Variants in CEPT1 observed in about 807,000 individuals in gnomAD.
CEPT1 encodes choline/ethanolaminephosphotransferase 1.
A neutral mutation model predicts 42.6 loss-of-function variants in CEPT1; 7 were observed. The observed-to-expected ratio is 0.16, with a 90% confidence interval of 0.09 to 0.31. CEPT1 has a LOEUF of 0.31. Ranked by LOEUF, CEPT1 falls within the 10% of genes least tolerant of loss-of-function variation. CEPT1 has a pLI of 1.00. For missense variants in CEPT1, 306 were observed against 502.1 expected, an observed-to-expected ratio of 0.61 and a Z score of 3.73; for synonymous variants, 171 against 171.9, an observed-to-expected ratio of 0.99 and a Z score of 0.04.
intron 8 of CEPT1, 75 bp from the exon 9 acceptor site, chr1:111,184,115 GA>G: frequency 6.9e-7 from 1 of 1,446,188 alleles, no homozygotes; most frequent in Non-Finnish European, 9.5e-7. Flanking sequence ...AGAGAGAACA[GA>G]GTCCAGTCCT....
intron 2 of CEPT1, among the ~76,000 whole-genome samples, chr1:111,157,795 TAAC>T (rs1351974759): frequency 6.6e-6 from 1 of 152,228 alleles, no homozygotes; most frequent in Non-Finnish European, 1.5e-5. Context: ...TACCTTTTAA[TAAC>T]TGGTACTAAA....
intron 2 of CEPT1, among the ~76,000 whole-genome samples, chr1:111,148,389 AC>A (rs1557922275): frequency 6.6e-6 from 1 of 151,894 alleles, no homozygotes; most frequent in African/African-American, 2.4e-5. Context: ...AAAAAAAAAA[AC>A]AGTGAGAAAA....
chr1:111,178,337 G>A (rs1461000256), intron 5 of CEPT1: 1 of 152,142 alleles, frequency 6.6e-6, no homozygotes, highest in Non-Finnish European at 1.5e-5. Flanking sequence ...CAGAAGATCA[G>A]CTGTTTTGTA....
chr1:111,167,673 A>G lies in CEPT1; in HGVS notation c.629+6377A>G, dbSNP rs1656205039. The G allele has an allele frequency of 9.2e-6, 9 of 982,398 alleles. No individual in the cohort carries two copies. In the South Asian group the frequency reaches 2.8e-4, roughly 31 times the overall value. 60.9% of individuals were successfully genotyped at this position (982,398 alleles called of 1,614,324 possible). The stretch of plus-strand genomic sequence containing the variant: ...TAGTACTAGTTCTGCTTGAGTTTAC[A>G]GCAGTCTTGGTGTTGTATAATATTT... On this transcript the variant is annotated intron_variant, in intron 4 of 8. Coordinates refer to ENST00000357172, the MANE Select transcript of CEPT1 (RefSeq NM_006090.5).
rs572689949 is a variant in CEPT1 at position 111,156,585 on chromosome 1, A to G, written c.340-2795A>G. Among the ~76,000 whole-genome samples, 4 of 152,310 alleles carry G rather than the reference A, an allele frequency of 2.6e-5. No individual in the cohort carries two copies. The South Asian group carries it at 8.3e-4, about 32-fold the overall frequency. On this transcript the variant is annotated intron_variant, in intron 2 of 8. Transcript: ENST00000357172. ...TGATGAGCGGGGAAAAAAAAATCTT[A>G]TAATGTTTTAAGAAAGTTTACAAAT...
chr1:111,183,716 T>A, intron 8 of CEPT1, 129 bp downstream of exon 8: 1 of 981,360 alleles, frequency 1.0e-6, no homozygotes, highest in Non-Finnish European at 1.5e-6. Context: ...GAAATCCACA[T>A]AAATGGGGCT....
intron 5 of CEPT1, among the ~76,000 whole-genome samples, chr1:111,176,904 T>G (rs1656702880): frequency 6.6e-6 from 1 of 152,208 alleles, no homozygotes; most frequent in African/African-American, 2.4e-5. Flanking sequence ...TGTTAAGCAA[T>G]CATTTTCTAA....
At position 111,141,613 on chromosome 1, in the gene CEPT1, T is replaced by C. The variant is rs149811788; in HGVS notation, c.-74+1306T>C. 3.5e-4 allele frequency among the ~76,000 whole-genome samples: 54 copies of C among 152,324 alleles called. No individual in the cohort carries two copies. The East Asian group carries it at 4.4e-3, about 12-fold the overall frequency. ...TTTTTATGTTGTGTGTGTGTGTTTT[T>C]TTAAGGGGGAAGAAAGTGATTTCCT... is the stretch of plus-strand genomic sequence containing the variant. On this transcript the variant is annotated intron_variant, in intron 1 of 8. Coordinates refer to ENST00000357172, the MANE Select transcript of CEPT1 (RefSeq NM_006090.5).
intron 5 of CEPT1, chr1:111,180,505 G>C (rs768415417): frequency 6.6e-6 from 1 of 152,150 alleles, no homozygotes; most frequent in Non-Finnish European, 1.5e-5. Flanking sequence ...GGAGATTTAG[G>C]GGGAGAAGAT....
intron 4 of CEPT1, among the ~76,000 whole-genome samples, chr1:111,161,758 G>A (rs185180443): frequency 3.4e-4 from 52 of 152,218 alleles, no homozygotes; most frequent in South Asian, 6.2e-4. Flanking sequence ...TTTATGTTTC[G>A]TTGGTTATTA....
At chr1:111,176,182 A>G (rs138922232) in intron 5 of CEPT1, among the ~76,000 whole-genome samples, 76 of 152,332 alleles carry the variant, frequency 5.0e-4, no homozygotes, top group African/African-American at 1.6e-3. Context: ...CTATTCAGTT[A>G]TGTACATAAT....
rs151257025 is a variant in CEPT1 at position 111,184,355 on chromosome 1, A to C, written c.*45A>C. The C allele has an allele frequency of 8.9e-4, 1,335 of 1,500,036 alleles. 1 individual carries two copies. Among genetic ancestry groups the C allele is most frequent in the Non-Finnish European group, 1.1e-3 (1,237 of 1,088,164 alleles). The allele number at this position is 1,500,036 out of a possible 1,614,324, so 92.9% of individuals were successfully genotyped here. On this transcript the variant is annotated 3_prime_UTR_variant, in exon 9 of 9. Coordinates refer to ENST00000357172, the MANE Select transcript of CEPT1 (RefSeq NM_006090.5). Reference sequence around the variant, plus strand: ...GAACATCATGTTTTCTGCAGGAAAGAAAGTAACATATTAAGGAGAATGGGG... The same window carrying C: ...GAACATCATGTTTTCTGCAGGAAAGCAAGTAACATATTAAGGAGAATGGGG...
At chr1:111,145,707 T>C (rs887714098) in intron 1 of CEPT1, among the ~76,000 whole-genome samples, 1 of 152,198 alleles carries the variant, frequency 6.6e-6, no homozygotes, top group African/African-American at 2.4e-5. Flanking sequence ...TTCATAGTCC[T>C]CTAGCCATGG....
At chr1:111,168,473 G>A (rs1340609238) in intron 4 of CEPT1, among the ~76,000 whole-genome samples, 1 of 149,638 alleles carries the variant, frequency 6.7e-6, no homozygotes, top group Non-Finnish European at 1.5e-5. Flanking sequence ...TGAATTCCTT[G>A]TTGGCCAAGT....
At chr1:111,147,533 CT>C in intron 1 of CEPT1, 108 bp from the exon 2 acceptor site, 1 of 499,004 alleles carries the variant, frequency 2.0e-6, no homozygotes, top group Non-Finnish European at 3.5e-6. Context: ...ATACTTACTA[CT>C]TTATTGACAA....
chr1:111,169,982 G>A (rs1245176327), intron 4 of CEPT1, among the ~76,000 whole-genome samples: 1 of 152,156 alleles, frequency 6.6e-6, no homozygotes, highest in Non-Finnish European at 1.5e-5. Context: ...TAGGGTGGTT[G>A]TCGTGATTAA....
chr1:111,184,597 G>A lies in CEPT1; in HGVS notation c.*287G>A. 1 of 218,840 alleles carries A rather than the reference G, an allele frequency of 4.6e-6. No individual in the cohort carries two copies. Among genetic ancestry groups the A allele is most frequent in the Non-Finnish European group, 9.1e-6 (1 of 110,280 alleles). The allele number at this position is 218,840 out of a possible 1,614,324, so 13.6% of individuals were successfully genotyped here. On this transcript the variant is annotated 3_prime_UTR_variant, in exon 9 of 9. Transcript: ENST00000357172. ...CCTGGATTCAGAATAATACTGTGATGGGGAGCCAGATCCGCAGTGGTGGAG... is the reference window on the plus strand; with the variant it reads ...CCTGGATTCAGAATAATACTGTGATAGGGAGCCAGATCCGCAGTGGTGGAG...
At chr1:111,173,877 C>T (rs748199727) in intron 4 of CEPT1, among the ~76,000 whole-genome samples, 1 of 151,996 alleles carries the variant, frequency 6.6e-6, no homozygotes, top group South Asian at 2.1e-4. Flanking sequence ...AGAGAGCTGC[C>T]CTACTCTTTT....
At chr1:111,168,287 G>A (rs1426311246) in intron 4 of CEPT1, among the ~76,000 whole-genome samples, 1 of 151,984 alleles carries the variant, frequency 6.6e-6, no homozygotes, top group Non-Finnish European at 1.5e-5. Context: ...AAAAAATAGG[G>A]CTTAGATTCA....
Sources: gnomAD v4.1 joint callset for allele counts (sites outside exome capture counted in the v4.1 genomes callset) on GRCh38, gnomAD v4.1.1 for gene constraint, MANE v1.5 for transcripts, NCBI Gene and HGNC (gene_info 2026-07-23, HGNC 2026-07-21) for gene names.